The following ESRRG variants were observed in gnomAD, a reference collection of about 807,000 sequenced individuals.
ESRRG encodes the protein estrogen-related receptor gamma.
ESRRG carries 13 observed loss-of-function variants against 44.0 expected under a neutral mutation model. The observed-to-expected ratio is 0.30, with a 90% CI of 0.19 to 0.47. The LOEUF is 0.47. Among genes scored for constraint, ESRRG ranks in the 20% least tolerant of loss-of-function variants. ESRRG has a pLI of 1.00. For missense variants in ESRRG, 395 were observed against 580.6 expected (o/e 0.68, Z 3.29); for synonymous variants, 215 against 214.6 (o/e 1.00, Z -0.02).
intron 1 of ESRRG, among the ~76,000 whole-genome samples, chr1:217,081,096 G>A (rs1044173031): frequency 7.3e-5 from 11 of 151,512 alleles, no homozygotes; most frequent in Non-Finnish European, 1.5e-5. Flanking sequence ...TATATAATCT[G>A]TACAACAGCT....
At chr1:216,533,290 A>G (rs2049952728) in intron 5 of ESRRG, among the ~76,000 whole-genome samples, 1 of 150,850 alleles carries the variant, frequency 6.6e-6, no homozygotes, top group Non-Finnish European at 1.5e-5. Context: ...AAAGGTATAT[A>G]TTAGATGTGA....
upstream of ESRRG, among the ~76,000 whole-genome samples, chr1:217,090,762 A>G (rs2092330188): frequency 6.6e-6 from 1 of 152,218 alleles, no homozygotes; most frequent in African/African-American, 2.4e-5. Context: ...TGGAAGGGCA[A>G]GAAGGATAAC....
In ESRRG at chr1:216,522,255, CTTTTTTTTTTTT is replaced by C. The variant is rs71161437; in HGVS notation, c.863-2846_863-2835del. ...GAAAAAAGGGGAAGAAACAGCTCTCCTTTTTTTTTTTTTTTTTTTTTTTTTTTTTGGTGAGGG... is the reference window on the plus strand; with the variant it reads ...GAAAAAAGGGGAAGAAACAGCTCTCCTTTTTTTTTTTTTTTTTGGTGAGGG... On this transcript the variant is annotated intron_variant, in intron 5 of 6. Coordinates refer to ENST00000408911, the MANE Select transcript of ESRRG (RefSeq NM_001438.4). Among the ~76,000 whole-genome samples the C allele has an allele frequency of 4.5e-3, 131 of 29,294 alleles. 1 individual carries two copies. Among genetic ancestry groups the C allele is most frequent in the African/African-American group, 0.018 (123 of 6,804 alleles). The allele number at this position is 29,294 out of a possible 152,430, so 19.2% of individuals were successfully genotyped here.
intron 2 of ESRRG, among the ~76,000 whole-genome samples, chr1:216,904,881 A>G (rs1173001280): frequency 6.6e-6 from 1 of 152,120 alleles, no homozygotes; most frequent in Non-Finnish European, 1.5e-5. Context: ...ACAGAAAGTT[A>G]CCCTCTTCTG....
In ESRRG at chr1:217,114,667, CTTTTTTTT is replaced by C. The variant is rs139701773; in HGVS notation, c.-230+22992_-230+22999del. Among the ~76,000 whole-genome samples the C allele has an allele frequency of 4.7e-5, 5 of 107,254 alleles. 1 individual carries two copies. Among genetic ancestry groups the C allele is most frequent in the South Asian group, 6.3e-4 (2 of 3,172 alleles). The allele number at this position is 107,254 out of a possible 152,430, so 70.4% of individuals were successfully genotyped here. A position where few individuals can be genotyped will look rare whatever the true frequency, so the allele number is the denominator to read the frequency against. On this transcript the variant is annotated intron_variant, in intron 1 of 8. Transcript: ENST00000366940. Reference sequence around the variant, plus strand: ...TTGTGCATGGAGGTCCAAAAGATTTCTTTTTTTTTTTTTTTTTTTTTGAGACGGAGTCT... The same window carrying C: ...TTGTGCATGGAGGTCCAAAAGATTTCTTTTTTTTTTTTTGAGACGGAGTCT...
At chr1:216,628,593 A>G (rs2063574978) in intron 3 of ESRRG, among the ~76,000 whole-genome samples, 1 of 152,224 alleles carries the variant, frequency 6.6e-6, no homozygotes, top group Non-Finnish European at 1.5e-5. Context: ...ATAGAAATCA[A>G]CTAGGAAGGA....
intron 1 of ESRRG, among the ~76,000 whole-genome samples, chr1:217,127,922 C>T (rs2092912824): frequency 6.6e-6 from 1 of 152,010 alleles, no homozygotes; most frequent in African/African-American, 2.4e-5. Context: ...CTTTTTGTCC[C>T]CACAATAATT....
chr1:216,948,425 C>T (rs2066415558), intron 1 of ESRRG, among the ~76,000 whole-genome samples: 1 of 145,006 alleles, frequency 6.9e-6, no homozygotes, highest in Non-Finnish European at 1.5e-5. Context: ...TGCAGTGAGC[C>T]GAGATGGCAC....
intron 2 of ESRRG, among the ~76,000 whole-genome samples, chr1:216,879,101 G>A (rs1179329034): frequency 1.3e-5 from 2 of 152,192 alleles, no homozygotes; most frequent in East Asian, 3.9e-4. Flanking sequence ...GGATAGTTTA[G>A]TTTTAAAGGC....
intron 1 of ESRRG, among the ~76,000 whole-genome samples, chr1:216,952,224 C>G (rs572471631): frequency 1.4e-4 from 22 of 152,272 alleles, no homozygotes; most frequent in African/African-American, 5.3e-4. Flanking sequence ...TGTGACTGCT[C>G]TCACATTAGA....
At chr1:217,091,090 T>C (rs2092336757), upstream of ESRRG, among the ~76,000 whole-genome samples, 1 of 152,234 alleles carries the variant, frequency 6.6e-6, no homozygotes, top group African/African-American at 2.4e-5. Context: ...ATATTCCTGA[T>C]AAATAAGTAT....
chr1:216,645,782 G>T (rs370507598), intron 3 of ESRRG, among the ~76,000 whole-genome samples: 48 of 144,124 alleles, frequency 3.3e-4, no homozygotes, highest in African/African-American at 1.2e-3. Flanking sequence ...TGAGACAAGA[G>T]AATCACTTGA....
chr1:216,606,405 T>C (rs1846225), intron 3 of ESRRG, among the ~76,000 whole-genome samples: 3,286 of 152,354 alleles, frequency 0.022, 122 homozygotes, highest in African/African-American at 0.075. Context: ...CAGTGTAATG[T>C]GTTTAGTTAA....
intron 2 of ESRRG, among the ~76,000 whole-genome samples, chr1:216,656,322 T>C (rs11117645): frequency 0.21 from 31,605 of 152,138 alleles, 4,215 homozygotes; most frequent in Non-Finnish European, 0.3. Context: ...TAGGGAAGTG[T>C]GCTCTGCTGC....
At chr1:216,867,999 G>T (rs2096197106) in intron 2 of ESRRG, among the ~76,000 whole-genome samples, 1 of 151,252 alleles carries the variant, frequency 6.6e-6, no homozygotes, top group African/African-American at 2.4e-5. Flanking sequence ...TCATAAAATG[G>T]GATACTACAG....
chr1:216,886,296 T>A (rs2096517227), intron 2 of ESRRG, among the ~76,000 whole-genome samples: 1 of 152,170 alleles, frequency 6.6e-6, no homozygotes, highest in Admixed American at 6.5e-5. Context: ...TATACCTAAC[T>A]GACCAGAGCT....
intron 1 of ESRRG, among the ~76,000 whole-genome samples, chr1:216,956,666 G>A (rs2068017671): frequency 6.6e-6 from 1 of 152,138 alleles, no homozygotes; most frequent in Non-Finnish European, 1.5e-5. Flanking sequence ...AGATTGTCTT[G>A]TGGTGATGCA....
intron 5 of ESRRG, among the ~76,000 whole-genome samples, chr1:216,521,995 C>G (rs940144462): frequency 6.6e-6 from 1 of 152,088 alleles, no homozygotes; most frequent in Non-Finnish European, 1.5e-5. Context: ...CACCGGGCCC[C>G]CTTTGTCCCT....
chr1:216,886,217 A>G (rs1207704885), intron 2 of ESRRG, among the ~76,000 whole-genome samples: 1 of 152,136 alleles, frequency 6.6e-6, no homozygotes, highest in Non-Finnish European at 1.5e-5. Context: ...ACTTCATTTT[A>G]CATTTCACTT....
Sources: gnomAD v4.1 joint callset for allele counts (sites outside exome capture counted in the v4.1 genomes callset) on GRCh38, gnomAD v4.1.1 for gene constraint, MANE v1.5 for transcripts, NCBI Gene and HGNC (gene_info 2026-07-23, HGNC 2026-07-21) for gene names.